Variants in BRINP3 observed in about 807,000 individuals in gnomAD.
BRINP3 encodes the protein BMP/retinoic acid inducible neural specific 3, also known as BMP/retinoic acid-inducible neural-specific protein 3.
BRINP3 carries 19 observed loss-of-function variants against 71.0 expected under a neutral mutation model. The observed-to-expected ratio is 0.27, with a 90% CI of 0.19 to 0.39. The LOEUF (loss-of-function observed/expected upper bound fraction) is 0.39. BRINP3 is among the 10% of genes least tolerant of loss of function. The probability of loss-of-function intolerance (pLI) is 1.00; values close to 1 mark genes in which losing one functional copy is unlikely to be tolerated. For missense variants in BRINP3, 959 were observed against 940.8 expected (o/e 1.02, Z -0.25); for synonymous variants, 380 against 337.7 (o/e 1.13, Z -1.37).
intron 2 of BRINP3, among the ~76,000 whole-genome samples, chr1:190,382,310 G>T (rs1670598524): frequency 6.6e-6 from 1 of 151,970 alleles, no homozygotes; most frequent in African/African-American, 2.4e-5. Context: ...TCACACAACT[G>T]GGATTTACAT....
chr1:190,381,804 C>A (rs1030345750), intron 2 of BRINP3, among the ~76,000 whole-genome samples: 3 of 152,106 alleles, frequency 2.0e-5, no homozygotes, highest in Admixed American at 6.6e-5. Flanking sequence ...GCATATGGAT[C>A]AGTACTTATT....
At chr1:190,297,201 A>G (rs1049602841) in intron 2 of BRINP3, among the ~76,000 whole-genome samples, 2 of 152,118 alleles carry the variant, frequency 1.3e-5, no homozygotes, top group African/African-American at 4.8e-5. Flanking sequence ...CTTGTATAAC[A>G]AGACACATAA....
intron 6 of BRINP3, among the ~76,000 whole-genome samples, chr1:190,223,781 A>G (rs985246325): frequency 9.2e-5 from 14 of 151,864 alleles, no homozygotes; most frequent in African/African-American, 3.1e-4. Context: ...AAAAACCTCA[A>G]TAAAAACAAT....
At chr1:190,301,365 T>G (rs1339333429) in intron 2 of BRINP3, among the ~76,000 whole-genome samples, 1 of 150,344 alleles carries the variant, frequency 6.7e-6, no homozygotes, top group African/African-American at 2.4e-5. Flanking sequence ...TGTTTAATAT[T>G]TCCTCTAAAT....
intron 6 of BRINP3, among the ~76,000 whole-genome samples, chr1:190,222,979 T>TA (rs768816177): frequency 3.7e-4 from 55 of 147,796 alleles, no homozygotes; most frequent in East Asian, 1.6e-3. Context: ...AATGAAGAAA[T>TA]AAAAAAAAAA....
intron 7 of BRINP3, among the ~76,000 whole-genome samples, chr1:190,140,257 T>A (rs986692865): frequency 1.9e-4 from 29 of 152,168 alleles, no homozygotes; most frequent in Non-Finnish European, 5.9e-5. Flanking sequence ...TACAAACACT[T>A]TTCACTAACA....
chr1:190,160,953 A>T (rs560759270), intron 6 of BRINP3, 63 bp from the exon 7 acceptor site: 74 of 1,154,788 alleles, frequency 6.4e-5, no homozygotes, highest in Non-Finnish European at 7.5e-6. Context: ...TTTCACAAAC[A>T]CGTATGTCAA....
intron 2 of BRINP3, among the ~76,000 whole-genome samples, chr1:190,410,137 G>A (rs1208531587): frequency 6.6e-6 from 1 of 151,928 alleles, no homozygotes; most frequent in Non-Finnish European, 1.5e-5. Context: ...GATTAAAGAT[G>A]TAAGAAATGA....
chr1:190,297,271 A>G (rs1180154677), intron 2 of BRINP3, among the ~76,000 whole-genome samples: 1 of 152,138 alleles, frequency 6.6e-6, no homozygotes, highest in Non-Finnish European at 1.5e-5. Context: ...AATGGTGTGA[A>G]GAACACACAA....
intron 2 of BRINP3, among the ~76,000 whole-genome samples, chr1:190,391,170 C>G (rs1671229635): frequency 6.6e-6 from 1 of 151,584 alleles, no homozygotes; most frequent in East Asian, 1.9e-4. Context: ...ATTATTTTAT[C>G]TGGAGCATGG....
At chr1:190,289,121 A>G (rs1483574482) in intron 2 of BRINP3, among the ~76,000 whole-genome samples, 1 of 151,926 alleles carries the variant, frequency 6.6e-6, no homozygotes, top group Non-Finnish European at 1.5e-5. Flanking sequence ...TTCAAGTTAC[A>G]TGAAGTAAGA....
At chr1:190,278,776 A>C (rs1662817507) in intron 3 of BRINP3, among the ~76,000 whole-genome samples, 1 of 151,680 alleles carries the variant, frequency 6.6e-6, no homozygotes, top group Non-Finnish European at 1.5e-5. Context: ...AAACTGAAGT[A>C]AAATCATTTA....
chr1:190,365,698 ATAT>A (rs1280573749), intron 2 of BRINP3, among the ~76,000 whole-genome samples: 7 of 145,966 alleles, frequency 4.8e-5, no homozygotes, highest in Non-Finnish European at 1.1e-4. Flanking sequence ...ACACAATATA[ATAT>A]TATATTATAA....
intron 2 of BRINP3, among the ~76,000 whole-genome samples, chr1:190,390,985 T>G (rs1330159232): frequency 2.0e-5 from 3 of 151,790 alleles, no homozygotes; most frequent in African/African-American, 7.3e-5. Context: ...TCTGAAGTTC[T>G]CAAAGAGTAT....
chr1:190,465,795 T>A (rs1360351827), intron 1 of BRINP3, among the ~76,000 whole-genome samples: 3 of 151,916 alleles, frequency 2.0e-5, no homozygotes, highest in African/African-American at 7.2e-5. Context: ...ACAAGTATTA[T>A]GAATAATTTT....
intron 2 of BRINP3, among the ~76,000 whole-genome samples, chr1:190,341,528 G>A (rs1238245852): frequency 6.6e-6 from 1 of 151,554 alleles, no homozygotes; most frequent in Non-Finnish European, 1.5e-5. Flanking sequence ...AGCACATATA[G>A]CATAATACTT....
At chr1:190,419,883 G>T (rs1462706603) in intron 2 of BRINP3, among the ~76,000 whole-genome samples, 2 of 151,658 alleles carry the variant, frequency 1.3e-5, no homozygotes, top group Non-Finnish European at 2.9e-5. Flanking sequence ...ATACTCCCAG[G>T]TCAATATGAC....
At chr1:190,170,139 A>T (rs1651886952) in intron 6 of BRINP3, among the ~76,000 whole-genome samples, 1 of 152,126 alleles carries the variant, frequency 6.6e-6, no homozygotes, top group South Asian at 2.1e-4. Context: ...TTTCATAAAT[A>T]TTATCATATT....
At position 190,244,649 on chromosome 1, in the gene BRINP3, C is replaced by A. The variant is rs138856698; in HGVS notation, c.619-10172G>T. Among the ~76,000 whole-genome samples, 1,074 of 152,170 alleles carry A rather than the reference C, an allele frequency of 7.1e-3. 15 individuals carry two copies. Among genetic ancestry groups the A allele is most frequent in the African/African-American group, 0.025 (1,025 of 41,558 alleles). On this transcript the variant is annotated intron_variant, in intron 4 of 7. Coordinates refer to ENST00000367462, the MANE Select transcript of BRINP3 (RefSeq NM_199051.3). The stretch of plus-strand genomic sequence containing the variant: ...CAATCTGTCACTGTCAAAATCCCGA[C>A]GAACAGTCTTTCCATAAGATTCTCT...
Sources: allele counts gnomAD v4.1 joint callset (sites outside exome capture counted in the v4.1 genomes callset), GRCh38; gene constraint gnomAD v4.1.1; transcripts MANE v1.5; gene names NCBI Gene and HGNC (gene_info 2026-07-23, HGNC 2026-07-21).